Variants in TENT4A observed in about 807,000 individuals in gnomAD.
The protein encoded by TENT4A is DNA polymerase kappa.
Under a neutral mutation model 72.8 loss-of-function variants are expected in TENT4A, and 7 were observed. The ratio of observed to expected loss-of-function variants is 0.10; its 90% confidence interval spans 0.05 to 0.18. The LOEUF (loss-of-function observed/expected upper bound fraction) is 0.18, where lower values mean the gene tolerates loss of function less well. TENT4A is among the 10% of genes least tolerant of loss of function. The pLI, the probability that TENT4A is intolerant of heterozygous loss-of-function variation, is 1.00. For synonymous variants in TENT4A, 456 were observed against 434.3 expected (o/e 1.05, Z -0.62); for missense variants, 831 against 1,017.7 (o/e 0.82, Z 2.50).
intron 11 of TENT4A, among the ~76,000 whole-genome samples, chr5:6,752,561 G>A (rs1001640340): frequency 2.6e-5 from 4 of 152,236 alleles, no homozygotes. Flanking sequence ...GTGTGAGTAG[G>A]GGGTTCACCA....
chr5:6,750,526 T>C (rs1191880638), intron 10 of TENT4A, 23 bp downstream of exon 10: 6 of 1,556,308 alleles, frequency 3.9e-6, no homozygotes, highest in Middle Eastern at 3.4e-4. Flanking sequence ...CCCTCCTCCG[T>C]GTGTCTGTTG....
intron 6 of TENT4A, among the ~76,000 whole-genome samples, chr5:6,745,142 C>T (rs571511048): frequency 8.1e-4 from 123 of 152,270 alleles, no homozygotes; most frequent in African/African-American, 2.7e-3. Context: ...ACCCTGGCAC[C>T]GGCCAGGCTC....
At chr5:6,714,960 T>A in intron 1 of TENT4A, 1 of 216,300 alleles carries the variant, frequency 4.6e-6, no homozygotes, top group Non-Finnish European at 9.0e-6. Flanking sequence ...TCTTTTTTAC[T>A]CTTGAGATTG....
Position 6,714,968 on chromosome 5 carries a change from T to G in TENT4A, c.716+269T>G, listed in dbSNP as rs556668538. 7.1e-5 allele frequency: 15 copies of G among 211,674 alleles called. No homozygotes were observed. In the East Asian group the frequency reaches 1.7e-3, roughly 23 times the overall value. 13.1% of individuals were successfully genotyped at this position (211,674 alleles called of 1,614,324 possible). A position where few individuals can be genotyped will look rare whatever the true frequency, so the allele number is the denominator to read the frequency against. The stretch of plus-strand genomic sequence containing the variant: ...GTATTTGTCTTTTTTACTCTTGAGA[T>G]TGGAACGGGAAATCGACTCTCTACC... On this transcript the variant is annotated intron_variant, in intron 1 of 12. Coordinates refer to ENST00000230859, the MANE Select transcript of TENT4A (RefSeq NM_006999.6).
chr5:6,756,054 G>C lies in TENT4A; in HGVS notation c.*1109G>C, dbSNP rs1742680376. ...AATCTGTAGCGTATGCATTCGTTCT[G>C]TTAAGAGCAAATCTAGGAGAAGTGC... is the stretch of plus-strand genomic sequence containing the variant. On this transcript the variant is annotated 3_prime_UTR_variant, in exon 13 of 13. Transcript: ENST00000230859. 1 of 152,536 alleles carries C rather than the reference G, an allele frequency of 6.6e-6. No individual in the cohort carries two copies. The highest frequency in any genetic ancestry group is 6.5e-5 in the Admixed American group (1 of 15,290). The allele number at this position is 152,536 out of a possible 1,614,324, so 9.4% of individuals were successfully genotyped here.
chr5:6,740,710 A>G (rs1337225098), intron 4 of TENT4A, among the ~76,000 whole-genome samples: 3 of 152,258 alleles, frequency 2.0e-5, no homozygotes, highest in Non-Finnish European at 4.4e-5. Context: ...AACGAAGTGC[A>G]CATGCTCATG....
chr5:6,734,129 C>G (rs915923445), intron 1 of TENT4A, among the ~76,000 whole-genome samples: 1 of 152,230 alleles, frequency 6.6e-6, no homozygotes. Flanking sequence ...CGGAGCAGTG[C>G]GCTGTTGCGT....
chr5:6,753,853 C>G (rs1273732160), intron 12 of TENT4A, among the ~76,000 whole-genome samples: 1 of 152,200 alleles, frequency 6.6e-6, no homozygotes. Flanking sequence ...TTATCCATCC[C>G]CGATAGACAC....
chr5:6,743,959 T>C, intron 6 of TENT4A, 119 bp downstream of exon 6: 1 of 861,634 alleles, frequency 1.2e-6, no homozygotes, highest in African/African-American at 1.7e-5. Context: ...TGTTTCAATT[T>C]GGTAGAGGCT....
intron 12 of TENT4A, among the ~76,000 whole-genome samples, chr5:6,753,255 A>G (rs1426476136): frequency 1.3e-5 from 2 of 152,280 alleles, no homozygotes; most frequent in Non-Finnish European, 2.9e-5. Flanking sequence ...TGCCACAAAC[A>G]TCTCTTAATT....
In TENT4A at chr5:6,714,141, C is replaced by T; in HGVS notation, c.158C>T (p.Ala53Val). 1.0e-6 allele frequency: 1 copy of T among 974,818 alleles called. No individual in the cohort carries two copies. The allele number at this position is 974,818 out of a possible 1,614,324, so 60.4% of individuals were successfully genotyped here. Residue 53 changes from alanine to valine, a missense_variant, in exon 1 of 13, where the codon GCG becomes GTG. This residue lies in a region of TENT4A where 302 missense variants were observed against 293.8 expected (regional missense o/e 1.03). Transcript: ENST00000230859. ...LNSPALDTAA[A>V]AGAAGRGSGG... ...TCGCCGGCGCTGGACACGGCGGCCG[C>T]GGCGGGGGCGGCCGGGCGGGGCAGT...
chr5:6,754,728 C>T lies in TENT4A; in HGVS notation c.2185-23C>T, dbSNP rs376572459. On this transcript the variant is annotated intron_variant, in intron 12 of 12. Coordinates refer to ENST00000230859, the MANE Select transcript of TENT4A (RefSeq NM_006999.6). Reference sequence around the variant, plus strand: ...TTGTGCCTGCTGTCTGGCTCCAACACTGCTGTCTCTCTCTTTCTCCAGCAG... The same window carrying T: ...TTGTGCCTGCTGTCTGGCTCCAACATTGCTGTCTCTCTCTTTCTCCAGCAG... The T allele has an allele frequency of 4.9e-5, 76 of 1,550,090 alleles. No homozygotes were observed. In the African/African-American group the frequency reaches 9.1e-4, roughly 19 times the overall value.
chr5:6,749,864 C>T (rs568178392), intron 9 of TENT4A, among the ~76,000 whole-genome samples: 107 of 152,230 alleles, frequency 7.0e-4, no homozygotes, highest in Non-Finnish European at 1.3e-3. Context: ...TTCAAAGTTT[C>T]TAGGCTGTGT....
intron 1 of TENT4A, among the ~76,000 whole-genome samples, chr5:6,733,062 TCA>T (rs1741289298): frequency 1.3e-5 from 2 of 152,194 alleles, no homozygotes; most frequent in South Asian, 4.1e-4. Context: ...TGGCCCCACC[TCA>T]GTTTGTCCGT....
chr5:6,738,934 C>T (rs1001706477), intron 3 of TENT4A, among the ~76,000 whole-genome samples: 1 of 152,192 alleles, frequency 6.6e-6, no homozygotes, highest in Non-Finnish European at 1.5e-5. Context: ...TTTCCTCTCA[C>T]ACTTAATTTG....
At position 6,749,728 on chromosome 5, in the gene TENT4A, C is replaced by A. The variant is rs3822437; in HGVS notation, c.1687+71C>A. 3.0e-6 allele frequency: 3 copies of A among 994,788 alleles called. No individual in the cohort carries two copies. The African/African-American group carries it at 4.8e-5, about 16-fold the overall frequency. The allele number at this position is 994,788 out of a possible 1,614,324, so 61.6% of individuals were successfully genotyped here. On this transcript the variant is annotated intron_variant, in intron 9 of 12. Transcript: ENST00000230859. ...TGTTCATGCAGAAGTGTCTCTATTCCTTTGTGGTAAATTGGTCAAATTAAG... is the reference window on the plus strand; with the variant it reads ...TGTTCATGCAGAAGTGTCTCTATTCATTTGTGGTAAATTGGTCAAATTAAG...
At chr5:6,743,876 CAT>C (rs111598309) in intron 6 of TENT4A, 36 bp downstream of exon 6, 525 of 1,607,376 alleles carry the variant, frequency 3.3e-4, no homozygotes, top group Non-Finnish European at 4.0e-4. Context: ...TCTGTTGAGA[CAT>C]GTGTAAGAGT....
rs575144669 is a variant in TENT4A, at chr5:6,726,154, A to G, written c.717-11356A>G. On this transcript the variant is annotated intron_variant, in intron 1 of 12. Coordinates refer to ENST00000230859, the MANE Select transcript of TENT4A (RefSeq NM_006999.6). ...TTGCACCGAACCCTTACCGAGGGCC[A>G]GGCCCTGTGCTAAGCACTTGCCAGT... Among the ~76,000 whole-genome samples the G allele has an allele frequency of 4.1e-4, 62 of 152,276 alleles. 1 individual carries two copies. In the South Asian group the frequency reaches 0.012, roughly 30 times the overall value.
chr5:6,740,325 C>G (rs1411515874), intron 4 of TENT4A, among the ~76,000 whole-genome samples: 1 of 152,148 alleles, frequency 6.6e-6, no homozygotes, highest in Non-Finnish European at 1.5e-5. Flanking sequence ...AGCCTTTTAT[C>G]TTTGGGGGAA....
Sources: gnomAD v4.1 joint callset for allele counts (sites outside exome capture counted in the v4.1 genomes callset) on GRCh38, gnomAD v4.1.1 for gene constraint, gnomAD v4.1.1 regional missense constraint, MANE v1.5 for transcripts, NCBI Gene and HGNC (gene_info 2026-07-23, HGNC 2026-07-21) for gene names.